Variants in WDR70 observed in about 807,000 individuals in gnomAD.
WDR70 encodes the protein WD repeat-containing protein 70.
A neutral mutation model predicts 88.6 loss-of-function variants in WDR70; 53 were observed. The ratio of observed to expected loss-of-function variants is 0.60; its 90% CI spans 0.48 to 0.75. The LOEUF (loss-of-function observed/expected upper bound fraction) is 0.75. Ranked by LOEUF, WDR70 falls within the 30% of genes least tolerant of loss-of-function variation. The pLI is 0.00. For synonymous variants in WDR70, 280 were observed against 270.0 expected (o/e 1.04, Z -0.36); for missense variants, 610 against 823.2 (o/e 0.74, Z 3.17).
At chr5:37,561,673 G>T (rs1334516224) in intron 9 of WDR70, among the ~76,000 whole-genome samples, 1 of 152,130 alleles carries the variant, frequency 6.6e-6, no homozygotes, top group Non-Finnish European at 1.5e-5. Flanking sequence ...CGTTATGAGG[G>T]TTATTTTTAT....
chr5:37,723,072 T>C, intron 15 of WDR70, 138 bp downstream of exon 15: 3 of 933,174 alleles, frequency 3.2e-6, no homozygotes, highest in Middle Eastern at 4.3e-4. Context: ...TGGATAGGAC[T>C]ACGAGTCATG....
chr5:37,662,057 C>T (rs554762725), intron 10 of WDR70, among the ~76,000 whole-genome samples: 7 of 152,294 alleles, frequency 4.6e-5, no homozygotes, highest in South Asian at 2.1e-4. Context: ...GATTAGTTCA[C>T]GCCCATGAAT....
intron 17 of WDR70, among the ~76,000 whole-genome samples, chr5:37,730,201 A>G (rs1165246271): frequency 6.6e-6 from 1 of 152,172 alleles, no homozygotes; most frequent in African/African-American, 2.4e-5. Flanking sequence ...GATTATCCAC[A>G]AAGTAGTTGG....
At chr5:37,510,981 A>G (rs2112242889) in intron 8 of WDR70, among the ~76,000 whole-genome samples, 1 of 152,334 alleles carries the variant, frequency 6.6e-6, no homozygotes, top group South Asian at 2.1e-4. Context: ...TTGTCCTTGC[A>G]TTGGTGATGT....
At chr5:37,664,148 G>T (rs1046005177) in intron 10 of WDR70, among the ~76,000 whole-genome samples, 4 of 152,074 alleles carry the variant, frequency 2.6e-5, no homozygotes, top group African/African-American at 9.7e-5. Context: ...GATGTTTCTT[G>T]ACTCATCCTC....
At chr5:37,721,256 A>G (rs758672715) in intron 14 of WDR70, 41 bp downstream of exon 14, 4 of 1,564,380 alleles carry the variant, frequency 2.6e-6, no homozygotes, top group Non-Finnish European at 3.5e-6. Flanking sequence ...GATGACAACA[A>G]CTGGGGGGAG....
rs530478491 is a variant in WDR70, at chr5:37,452,468, G to A, written c.686+9096G>A. Among the ~76,000 whole-genome samples, 201 of 152,228 alleles carry A rather than the reference G, an allele frequency of 1.3e-3. 5 individuals are homozygous for A. In the South Asian group the frequency reaches 0.04, roughly 30 times the overall value. On this transcript the variant is annotated intron_variant, in intron 7 of 17. Coordinates refer to ENST00000265107, the MANE Select transcript of WDR70 (RefSeq NM_018034.4). ...TTTAGTAGAGACGTGGTTTCACCAT[G>A]TTGGCCAGGCTGGTCCTGAACTCTT...
intron 16 of WDR70, among the ~76,000 whole-genome samples, chr5:37,725,532 C>A (rs920540219): frequency 6.6e-6 from 1 of 152,002 alleles, no homozygotes; most frequent in Non-Finnish European, 1.5e-5. Context: ...GAAGTAGGTA[C>A]CAGAAGAAAG....
At chr5:37,431,652 A>G (rs966709413) in intron 5 of WDR70, among the ~76,000 whole-genome samples, 1 of 152,180 alleles carries the variant, frequency 6.6e-6, no homozygotes, top group Non-Finnish European at 1.5e-5. Flanking sequence ...TGTACAATCA[A>G]TCCCCAGAAC....
At chr5:37,709,831 A>C (rs1203828929) in intron 13 of WDR70, among the ~76,000 whole-genome samples, 1 of 150,900 alleles carries the variant, frequency 6.6e-6, no homozygotes, top group Non-Finnish European at 1.5e-5. Flanking sequence ...GGACTACAAG[A>C]CCACCTTGAA....
chr5:37,513,397 C>T (rs1159005249), intron 8 of WDR70, among the ~76,000 whole-genome samples: 1 of 152,016 alleles, frequency 6.6e-6, no homozygotes, highest in African/African-American at 2.4e-5. Flanking sequence ...TGATATGGAG[C>T]AGAGCTGAAC....
intron 3 of WDR70, among the ~76,000 whole-genome samples, chr5:37,382,841 C>T (rs1250699591): frequency 3.9e-5 from 6 of 151,982 alleles, no homozygotes; most frequent in South Asian, 2.1e-4. Flanking sequence ...GGTGAAACCC[C>T]GTCTTGACTG....
Position 37,692,159 on chromosome 5 carries a change from T to C in WDR70, c.1093-5496T>C, listed in dbSNP as rs561932463. ...CACCACCCCCCACCCCTCGCAAGAC[T>C]AAATGAGGAATAAGTTGATTTTCTG... On this transcript the variant is annotated intron_variant, in intron 10 of 17. Transcript: ENST00000265107. Among the ~76,000 whole-genome samples the C allele has an allele frequency of 3.3e-5, 5 of 151,258 alleles. No homozygotes were observed. The East Asian group carries it at 9.7e-4, about 29-fold the overall frequency.
intron 8 of WDR70, among the ~76,000 whole-genome samples, chr5:37,496,539 G>T (rs974753882): frequency 6.6e-6 from 1 of 152,242 alleles, no homozygotes; most frequent in Admixed American, 6.5e-5. Context: ...GTGAGACCAA[G>T]AACCCACCAG....
chr5:37,489,475 C>G (rs944251614), intron 8 of WDR70, among the ~76,000 whole-genome samples: 3 of 152,142 alleles, frequency 2.0e-5, no homozygotes, highest in Non-Finnish European at 2.9e-5. Flanking sequence ...GTACACATAG[C>G]TGGGTGCCAG....
chr5:37,542,360 A>G (rs550685043), intron 9 of WDR70, among the ~76,000 whole-genome samples: 5 of 150,474 alleles, frequency 3.3e-5, no homozygotes, highest in Non-Finnish European at 7.4e-5. Flanking sequence ...GCTCACTGCA[A>G]CCTCCACCTC....
intron 6 of WDR70, among the ~76,000 whole-genome samples, chr5:37,438,724 G>C (rs1283449453): frequency 6.6e-6 from 1 of 151,620 alleles, no homozygotes; most frequent in African/African-American, 2.4e-5. Flanking sequence ...ATATAAACAG[G>C]GTCATTCTTA....
chr5:37,524,143 C>T (rs988454328), intron 9 of WDR70, among the ~76,000 whole-genome samples: 8 of 152,166 alleles, frequency 5.3e-5, no homozygotes, highest in Admixed American at 3.3e-4. Flanking sequence ...CACAAAGATA[C>T]TCCTCGAGAA....
intron 7 of WDR70, among the ~76,000 whole-genome samples, chr5:37,444,399 C>T (rs1269273383): frequency 3.9e-5 from 5 of 129,042 alleles, no homozygotes; most frequent in Non-Finnish European, 6.2e-5. Flanking sequence ...AGTGCAGTGG[C>T]GAGATCTTGG....
Sources: gnomAD v4.1 joint callset for allele counts (sites outside exome capture counted in the v4.1 genomes callset) on GRCh38, gnomAD v4.1.1 for gene constraint, MANE v1.5 for transcripts, NCBI Gene and HGNC (gene_info 2026-07-23, HGNC 2026-07-21) for gene names.